The following NNT variants were observed in gnomAD, a reference collection of about 807,000 sequenced individuals.
NNT encodes nicotinamide nucleotide transhydrogenase.
In NNT, 50 loss-of-function variants were observed where a neutral mutation model predicts 104.8. That is an observed-to-expected ratio of 0.48 (90% CI 0.38 to 0.60). The LOEUF (loss-of-function observed/expected upper bound fraction) is 0.60. Among genes scored for constraint, NNT ranks in the 20% least tolerant of loss-of-function variants. NNT has a pLI of 0.00. For synonymous variants in NNT, 461 were observed against 490.4 expected (o/e 0.94, Z 0.79); for missense variants, 1,131 against 1,330.7 (o/e 0.85, Z 2.33).
intron 17 of NNT, among the ~76,000 whole-genome samples, chr5:43,668,976 T>C (rs1580079748): frequency 6.6e-6 from 1 of 152,340 alleles, no homozygotes; most frequent in East Asian, 1.9e-4. Context: ...TTTGTAGTTC[T>C]CCTTGAAGAG....
At position 43,665,813 on chromosome 5, in the gene NNT, C is replaced by T. The variant is rs968545956; in HGVS notation, c.2634+6463C>T. Among the ~76,000 whole-genome samples the T allele has an allele frequency of 1.4e-4, 13 of 90,474 alleles. 1 individual carries two copies. Among genetic ancestry groups the T allele is most frequent in the Middle Eastern group, 6.6e-3 (1 of 152 alleles). The allele number at this position is 90,474 out of a possible 152,430, so 59.4% of individuals were successfully genotyped here. ...CCCAGACGGGGCAGCCAGGCAGAGG[C>T]GCACCCCACCTCCTGGACGGGGTGG... On this transcript the variant is annotated intron_variant, in intron 17 of 21. Transcript: ENST00000344920.
Position 43,615,928 on chromosome 5 carries a change from T to C in NNT, c.462T>C (p.Phe154=). The change falls in exon 4 of 22, where the codon TTT becomes TTC. Residue 154 remains phenylalanine, a synonymous_variant. Coordinates refer to ENST00000344920, the MANE Select transcript of NNT (RefSeq NM_182977.3). ...AGACATCAGGAACGCTGATTAGTTT[T>C]ATTTACCCAGCCCAAAATCCAGAGT... ...LLKTSGTLIS[F]IYPAQNPELL... The C allele has an allele frequency of 6.2e-7, 1 of 1,614,222 alleles. No individual in the cohort carries two copies. Among genetic ancestry groups the C allele is most frequent in the Non-Finnish European group, 8.5e-7 (1 of 1,180,038 alleles).
rs769739756 is a variant in NNT, at chr5:43,650,594, T to A, written c.1717+7T>A. The A allele has an allele frequency of 6.2e-7, 1 of 1,600,132 alleles. No individual in the cohort carries two copies. The highest frequency in any genetic ancestry group is 1.3e-5 in the African/African-American group (1 of 74,782). On this transcript the variant is annotated splice_region_variant and intron_variant, in intron 12 of 21. Transcript: ENST00000344920. Reference sequence around the variant, plus strand: ...TCCTCTGTCAACATTGCAGGTATGATGTCAGTGAAAGGTCTCAGTACTATT... The same window carrying A: ...TCCTCTGTCAACATTGCAGGTATGAAGTCAGTGAAAGGTCTCAGTACTATT...
chr5:43,653,019 T>A lies in NNT; in HGVS notation c.1865T>A (p.Ile622Asn). Residue 622 changes from isoleucine to asparagine, a missense_variant and splice_region_variant, in exon 14 of 22, where the codon ATC (isoleucine) becomes AAC (asparagine). Ile to Asn is a moderately radical substitution (Grantham distance 149). Transcript: ENST00000344920. ...ALYSGYNIEQIMYLGSGLCCV... is the reference protein window; with the variant it reads ...ALYSGYNIEQNMYLGSGLCCV... Reference sequence around the variant, plus strand: ...CTCTCTCACTTTTCCTTTGAAAAGATCATGTACCTAGGCTCGGGTTTGTGC... The same window carrying A: ...CTCTCTCACTTTTCCTTTGAAAAGAACATGTACCTAGGCTCGGGTTTGTGC... 1 of 1,610,628 alleles carries A rather than the reference T, an allele frequency of 6.2e-7. No individual in the cohort carries two copies. The highest frequency in any genetic ancestry group is 1.1e-5 in the South Asian group (1 of 90,790).
At chr5:43,685,948 T>G (rs1741965426) in intron 19 of NNT, among the ~76,000 whole-genome samples, 1 of 152,148 alleles carries the variant, frequency 6.6e-6, no homozygotes, top group South Asian at 2.1e-4. Flanking sequence ...AAGAGGCTTT[T>G]AAAAAATAGT....
At chr5:43,664,212 C>G (rs978366137) in intron 17 of NNT, among the ~76,000 whole-genome samples, 9 of 152,110 alleles carry the variant, frequency 5.9e-5, no homozygotes, top group African/African-American at 2.2e-4. Context: ...GAATGATATC[C>G]AAATATCATA....
chr5:43,644,814 G>T lies in NNT; in HGVS notation c.1290+12G>T. ...CTGTAGTGATGAAAGTAAGTAAAGA[G>T]ATCTATTCCTTCCTTTGCTTTTAAT... On this transcript the variant is annotated intron_variant, in intron 9 of 21. Transcript: ENST00000344920. 8.2e-6 allele frequency: 13 copies of T among 1,582,606 alleles called. No homozygotes were observed. The highest frequency in any genetic ancestry group is 1.1e-5 in the South Asian group (1 of 87,062).
rs752105497 is a variant in NNT, at chr5:43,609,251, A to G, written c.56A>G (p.Asn19Ser). 1.7e-5 allele frequency: 28 copies of G among 1,614,032 alleles called. No homozygotes were observed. Among genetic ancestry groups the G allele is most frequent in the African/African-American group, 1.1e-4 (8 of 75,024 alleles). The change falls in exon 2 of 22, where the codon AAT (asparagine) becomes AGT (serine). Residue 19 changes from asparagine to serine, a missense_variant. Transcript: ENST00000344920. The stretch of plus-strand genomic sequence containing the variant: ...GGCTGCTCGTGTCCTCTACTTAGCA[A>G]TTTGGGGTCCTGTAAGGGTCTACGT... ...VTGCSCPLLS[N>S]LGSCKGLRVK...
intron 7 of NNT, among the ~76,000 whole-genome samples, chr5:43,633,891 C>G (rs1334262637): frequency 1.3e-5 from 2 of 152,002 alleles, no homozygotes; most frequent in African/African-American, 4.8e-5. Context: ...AACACATGCC[C>G]AGTCTGCAGT....
intron 19 of NNT, among the ~76,000 whole-genome samples, chr5:43,688,966 C>T (rs1742122428): frequency 6.6e-6 from 1 of 152,208 alleles, no homozygotes; most frequent in African/African-American, 2.4e-5. Context: ...AAAGAATCTT[C>T]ACACTGTTTA....
intron 2 of NNT, among the ~76,000 whole-genome samples, 170 bp from the exon 3 acceptor site, chr5:43,612,738 T>C (rs1486269507): frequency 6.6e-6 from 1 of 152,132 alleles, no homozygotes; most frequent in African/African-American, 2.4e-5. Context: ...ACCACAAAAG[T>C]CAAAGAATTA....
chr5:43,645,618 T>C, intron 10 of NNT, 108 bp downstream of exon 10: 1 of 375,220 alleles, frequency 2.7e-6, no homozygotes, highest in Non-Finnish European at 4.2e-6. Flanking sequence ...TATATAGATA[T>C]ATATACACAT....
intron 19 of NNT, among the ~76,000 whole-genome samples, chr5:43,690,909 G>A (rs1742238273): frequency 6.6e-6 from 1 of 152,100 alleles, no homozygotes; most frequent in Non-Finnish European, 1.5e-5. Flanking sequence ...TTAACAAAAA[G>A]CTTTTTTTTA....
intron 19 of NNT, among the ~76,000 whole-genome samples, chr5:43,684,488 C>T (rs888990137): frequency 1.3e-5 from 2 of 151,988 alleles, no homozygotes; most frequent in African/African-American, 4.8e-5. Context: ...GAAGCCTCAC[C>T]AGAGATGTTG....
intron 5 of NNT, among the ~76,000 whole-genome samples, chr5:43,619,925 TGA>T: frequency 6.6e-6 from 1 of 152,028 alleles, no homozygotes; most frequent in Non-Finnish European, 1.5e-5. Context: ...GATCACATGG[TGA>T]GAGAGGAATC....
At chr5:43,607,790 G>C (rs1170967892) in intron 1 of NNT, among the ~76,000 whole-genome samples, 1 of 152,124 alleles carries the variant, frequency 6.6e-6, no homozygotes, top group South Asian at 2.1e-4. Context: ...TCTCCCTCTG[G>C]AGTCTGGAAG....
chr5:43,697,311 G>T (rs999859446), intron 19 of NNT, among the ~76,000 whole-genome samples: 2 of 152,046 alleles, frequency 1.3e-5, no homozygotes, highest in African/African-American at 4.8e-5. Context: ...AGTCACCTTT[G>T]CCCCAGTTCC....
chr5:43,672,317 T>C (rs1580088003), intron 17 of NNT, among the ~76,000 whole-genome samples: 1 of 151,824 alleles, frequency 6.6e-6, no homozygotes, highest in Admixed American at 6.6e-5. Context: ...CTTTGTTCCA[T>C]TGCTGGCGAG....
At chr5:43,665,338 T>G (rs925343279) in intron 17 of NNT, among the ~76,000 whole-genome samples, 1 of 151,836 alleles carries the variant, frequency 6.6e-6, no homozygotes, top group African/African-American at 2.4e-5. Flanking sequence ...CAGATAAACA[T>G]GTGAACAAAG....
Sources: gnomAD v4.1 joint callset for allele counts (sites outside exome capture counted in the v4.1 genomes callset) on GRCh38, gnomAD v4.1.1 for gene constraint, MANE v1.5 for transcripts, NCBI Gene and HGNC (gene_info 2026-07-23, HGNC 2026-07-21) for gene names.